CC2D2A: variants seen among roughly 807,000 people sequenced by gnomAD.
The protein encoded by CC2D2A is coiled-coil and C2 domain containing 2A, also known as coiled-coil and C2 domain-containing protein 2A.
CC2D2A carries 155 observed loss-of-function variants against 212.9 expected under a neutral mutation model. The ratio of observed to expected loss-of-function variants is 0.73; its 90% CI spans 0.64 to 0.83. CC2D2A has a LOEUF of 0.83. CC2D2A is among the 40% of genes least tolerant of loss of function. The pLI is 0.00. For synonymous variants in CC2D2A, 667 were observed against 686.5 expected, an observed-to-expected ratio of 0.97 and a Z score of 0.44; for missense variants, 1,856 against 1,956.2, an observed-to-expected ratio of 0.95 and a Z score of 0.97.
chr4:15,545,935 C>T (rs1220374851), intron 17 of CC2D2A, among the ~76,000 whole-genome samples: 1 of 152,006 alleles, frequency 6.6e-6, no homozygotes, highest in Non-Finnish European at 1.5e-5. Context: ...CTAGCGAGAC[C>T]CCATCTCCAC....
chr4:15,490,913 C>T (rs1372412767), intron 4 of CC2D2A, among the ~76,000 whole-genome samples: 3 of 152,056 alleles, frequency 2.0e-5, no homozygotes, highest in Admixed American at 6.6e-5. Flanking sequence ...CCCCCAGTCA[C>T]GTACCCCTGC....
At chr4:15,523,534 A>C (rs1187361364) in intron 11 of CC2D2A, among the ~76,000 whole-genome samples, 3 of 152,236 alleles carry the variant, frequency 2.0e-5, no homozygotes, top group African/African-American at 7.2e-5. Context: ...CGTTCTAAGC[A>C]CTTCACTACA....
At chr4:15,498,578 T>C (rs560710644) in intron 4 of CC2D2A, among the ~76,000 whole-genome samples, 1 of 152,128 alleles carries the variant, frequency 6.6e-6, no homozygotes, top group East Asian at 1.9e-4. Flanking sequence ...AGTAATGGAG[T>C]GGAGCAACTG....
At chr4:15,597,624 T>G (rs1194082439) in intron 35 of CC2D2A, among the ~76,000 whole-genome samples, 159 bp downstream of exon 35, 2 of 152,220 alleles carry the variant, frequency 1.3e-5, no homozygotes, top group Admixed American at 6.5e-5. Context: ...CTAAATCCCA[T>G]GGCTCAAAAG....
chr4:15,510,043 A>G (rs1716478416), intron 6 of CC2D2A, 96 bp from the exon 7 acceptor site: 1 of 881,230 alleles, frequency 1.1e-6, no homozygotes, highest in Non-Finnish European at 1.8e-6. Flanking sequence ...CAGTCAGAAG[A>G]TAAGCCTTTG....
chr4:15,482,443 G>A (rs1346865301), intron 4 of CC2D2A: 6 of 365,974 alleles, frequency 1.6e-5, no homozygotes, highest in South Asian at 1.1e-4. Context: ...CAGCATGGCC[G>A]GTTTCCAGTG....
chr4:15,500,101 GTGTGTGTATATA>G (rs1174247192), intron 4 of CC2D2A, among the ~76,000 whole-genome samples: 34 of 71,128 alleles, frequency 4.8e-4, no homozygotes, highest in Non-Finnish European at 1.0e-3. Flanking sequence ...GTGTGTGTGT[GTGTGTGTATATA>G]TATATATATA....
At position 15,544,270 on chromosome 4, in the gene CC2D2A, G is replaced by A. The variant is rs528366235; in HGVS notation, c.2181+3256G>A. Among the ~76,000 whole-genome samples the A allele has an allele frequency of 5.9e-5, 9 of 152,318 alleles. No individual in the cohort carries two copies. In the East Asian group the frequency reaches 1.3e-3, roughly 23 times the overall value. ...TCTGTCACCTGCCCTGAATAGAGGA[G>A]GAGCTGCAGGGGCCCACATGAGTCC... On this transcript the variant is annotated intron_variant, in intron 17 of 36. Coordinates refer to ENST00000424120, the MANE Select transcript of CC2D2A (RefSeq NM_001378615.1).
intron 1 of CC2D2A, among the ~76,000 whole-genome samples, chr4:15,470,681 CTCTCTCTCTATATATA>C (rs1324788328): frequency 5.1e-4 from 29 of 57,336 alleles, no homozygotes; most frequent in East Asian, 1.5e-3. Flanking sequence ...CTCTCTCTCT[CTCTCTCTCTATATATA>C]TATATATATA....
chr4:15,593,149 G>T (rs1234287494), intron 33 of CC2D2A, among the ~76,000 whole-genome samples: 1 of 152,170 alleles, frequency 6.6e-6, no homozygotes, highest in Non-Finnish European at 1.5e-5. Flanking sequence ...GGCTCAGAAA[G>T]TACGAGGGGA....
chr4:15,534,945 C>A (rs1718047421), intron 14 of CC2D2A, among the ~76,000 whole-genome samples: 1 of 150,608 alleles, frequency 6.6e-6, no homozygotes, highest in Non-Finnish European at 1.5e-5. Flanking sequence ...TGAAAACAGC[C>A]ATATTTCAGC....
At chr4:15,581,848 C>G (rs1374101209) in intron 30 of CC2D2A, among the ~76,000 whole-genome samples, 3 of 152,058 alleles carry the variant, frequency 2.0e-5, no homozygotes, top group Non-Finnish European at 4.4e-5. Context: ...CACAAATATT[C>G]CTAGAAGAAT....
At position 15,596,196 on chromosome 4, in the gene CC2D2A, T is replaced by C. The variant is rs769711933; in HGVS notation, c.4426T>C (p.Ser1476Pro). 3 of 1,539,712 alleles carry C rather than the reference T, an allele frequency of 1.9e-6. No individual in the cohort carries two copies. Among genetic ancestry groups the C allele is most frequent in the East Asian group, 4.9e-5 (2 of 41,020 alleles). The change falls in exon 34 of 37, where the codon TCC (serine) becomes CCC (proline). Residue 1476 changes from serine to proline, a missense_variant. By Grantham distance (74) the Ser-to-Pro change is moderately conservative (BLOSUM62 -1). This residue lies in a region of CC2D2A where 285 missense variants were observed against 278.4 expected (regional missense o/e 1.02). Coordinates refer to ENST00000424120, the MANE Select transcript of CC2D2A (RefSeq NM_001378615.1). ...FSRSLPYPGL[S>P]SVQPEELIYQ... ...AAGAAGCCTTCCATATCCTGGCCTT[T>C]CCAGTGTTCAGGTATAAATCTTTTA...
chr4:15,554,590 C>T (rs1001480223), intron 19 of CC2D2A, among the ~76,000 whole-genome samples: 2 of 152,244 alleles, frequency 1.3e-5, no homozygotes, highest in African/African-American at 4.8e-5. Context: ...GCATGAGAAT[C>T]ATTTGAACCT....
chr4:15,553,088 G>A (rs1719088935), intron 18 of CC2D2A, 70 bp from the exon 19 acceptor site: 2 of 1,410,690 alleles, frequency 1.4e-6, no homozygotes, highest in Non-Finnish European at 1.9e-6. Context: ...TCTACTATCT[G>A]CTTTCTTGCC....
intron 17 of CC2D2A, among the ~76,000 whole-genome samples, chr4:15,547,104 TTTTAGATGGG>T (rs1718752325): frequency 6.6e-6 from 1 of 152,212 alleles, no homozygotes; most frequent in African/African-American, 2.4e-5. Flanking sequence ...CATGCTATCA[TTTTAGATGGG>T]AAAAACAAAA....
intron 33 of CC2D2A, among the ~76,000 whole-genome samples, chr4:15,592,919 T>C (rs1391484557): frequency 2.0e-5 from 3 of 152,212 alleles, no homozygotes; most frequent in Non-Finnish European, 4.4e-5. Flanking sequence ...CTTATCCTGA[T>C]TCAAACCCTC....
At chr4:15,541,413 T>C (rs762027630) in intron 17 of CC2D2A, among the ~76,000 whole-genome samples, 4 of 152,160 alleles carry the variant, frequency 2.6e-5, no homozygotes, top group African/African-American at 4.8e-5. Flanking sequence ...AAATCATCCA[T>C]TGGTTATAAA....
chr4:15,596,053 C>CAT (rs1465844566), intron 33 of CC2D2A, 32 bp from the exon 34 acceptor site: 7 of 1,509,102 alleles, frequency 4.6e-6, no homozygotes, highest in Non-Finnish European at 6.3e-6. Context: ...TACATGCTAA[C>CAT]ATATATGCTA....
Sources: allele counts gnomAD v4.1 joint callset (sites outside exome capture counted in the v4.1 genomes callset), GRCh38; gene constraint gnomAD v4.1.1; regional missense constraint gnomAD v4.1.1; transcripts MANE v1.5; gene names NCBI Gene and HGNC (gene_info 2026-07-23, HGNC 2026-07-21).